The following PAPPA2 variants were observed in gnomAD, a reference collection of about 807,000 sequenced individuals.
PAPPA2 encodes pappalysin-2.
In PAPPA2, 86 loss-of-function variants were observed where a neutral mutation model predicts 176.4. The ratio of observed to expected loss-of-function variants is 0.49; its 90% confidence interval spans 0.41 to 0.58. PAPPA2 has a LOEUF of 0.58. Ranked by LOEUF, PAPPA2 falls within the 20% of genes least tolerant of loss-of-function variation. The pLI, the probability that PAPPA2 is intolerant of heterozygous loss-of-function variation, is 0.00. For missense variants in PAPPA2, 2,073 were observed against 2,256.9 expected (o/e 0.92, Z 1.65); for synonymous variants, 809 against 852.2 (o/e 0.95, Z 0.88).
chr1:176,686,409 G>T (rs1003581053), intron 4 of PAPPA2, among the ~76,000 whole-genome samples: 12 of 152,094 alleles, frequency 7.9e-5, no homozygotes, highest in Non-Finnish European at 1.6e-4. Context: ...AAGGGAAACT[G>T]CCCCCATGAT....
At chr1:176,593,373 G>A (rs1195088297) in intron 2 of PAPPA2, among the ~76,000 whole-genome samples, 3 of 152,134 alleles carry the variant, frequency 2.0e-5, no homozygotes, top group Admixed American at 6.5e-5. Flanking sequence ...GTTTACCCAG[G>A]TATCTGATCC....
intron 21 of PAPPA2, among the ~76,000 whole-genome samples, chr1:176,832,050 G>T (rs570199173): frequency 6.6e-6 from 1 of 152,256 alleles, no homozygotes; most frequent in East Asian, 1.9e-4. Flanking sequence ...GAATCTTGAA[G>T]TTTTCTGACC....
chr1:176,804,700 C>G (rs1188999952), intron 21 of PAPPA2, among the ~76,000 whole-genome samples: 3 of 152,174 alleles, frequency 2.0e-5, no homozygotes, highest in Non-Finnish European at 4.4e-5. Flanking sequence ...GATGCTGTAA[C>G]TACTTACAAG....
chr1:176,744,944 T>G (rs1355951828), intron 14 of PAPPA2, among the ~76,000 whole-genome samples: 3 of 152,208 alleles, frequency 2.0e-5, no homozygotes, highest in African/African-American at 4.8e-5. Context: ...CTTATAGTAT[T>G]CTTGTGAGAT....
chr1:176,771,800 G>A lies in PAPPA2; in HGVS notation c.4715+620G>A, dbSNP rs1361648921. Among the ~76,000 whole-genome samples, 3 of 152,096 alleles carry A rather than the reference G, an allele frequency of 2.0e-5. 1 individual carries two copies. The highest frequency in any genetic ancestry group is 2.0e-4 in the Admixed American group (3 of 15,270). On this transcript the variant is annotated intron_variant, in intron 17 of 22. Coordinates refer to ENST00000367662, the MANE Select transcript of PAPPA2 (RefSeq NM_020318.3). ...TGGCAAGAAACACTTTTCCTCCAAT[G>A]TCGTGGGGGATCCGAAAGAACAAAA... is the stretch of plus-strand genomic sequence containing the variant.
intron 1 of PAPPA2, among the ~76,000 whole-genome samples, chr1:176,484,599 G>A (rs537039953): frequency 9.9e-5 from 15 of 152,188 alleles, no homozygotes; most frequent in African/African-American, 3.4e-4. Flanking sequence ...CATCAAGCTC[G>A]GGGATTCTTT....
chr1:176,542,894 C>G (rs1192545116), intron 1 of PAPPA2, among the ~76,000 whole-genome samples: 1 of 152,184 alleles, frequency 6.6e-6, no homozygotes, highest in Non-Finnish European at 1.5e-5. Flanking sequence ...TGTTTAATAA[C>G]AGACCAGCAA....
intron 1 of PAPPA2, among the ~76,000 whole-genome samples, chr1:176,483,093 A>G (rs1023560544): frequency 6.6e-6 from 1 of 152,300 alleles, no homozygotes; most frequent in East Asian, 1.9e-4. Flanking sequence ...CATGATCATC[A>G]GTGCCATTGG....
At chr1:176,794,040 A>G (rs1665308459) in intron 20 of PAPPA2, among the ~76,000 whole-genome samples, 2 of 152,032 alleles carry the variant, frequency 1.3e-5, no homozygotes, top group South Asian at 4.2e-4. Context: ...ACAGAGCGAG[A>G]CTCCATCTCA....
intron 3 of PAPPA2, among the ~76,000 whole-genome samples, chr1:176,642,817 A>G (rs1028171488): frequency 2.6e-5 from 4 of 151,960 alleles, no homozygotes; most frequent in East Asian, 1.9e-4. Context: ...TAACTCTGCA[A>G]TCTTCTCCAT....
intron 21 of PAPPA2, among the ~76,000 whole-genome samples, chr1:176,813,262 G>T (rs1666245848): frequency 6.6e-6 from 1 of 152,052 alleles, no homozygotes; most frequent in Admixed American, 6.6e-5. Flanking sequence ...ACACTTTCAT[G>T]TATCTTTCTA....
At chr1:176,592,794 T>C (rs1462697053) in intron 2 of PAPPA2, among the ~76,000 whole-genome samples, 2 of 152,200 alleles carry the variant, frequency 1.3e-5, no homozygotes, top group Non-Finnish European at 2.9e-5. Context: ...ATATTCAATA[T>C]TGCAGCCCAT....
chr1:176,754,870 C>A (rs745615770), intron 14 of PAPPA2, among the ~76,000 whole-genome samples: 1 of 152,152 alleles, frequency 6.6e-6, no homozygotes, highest in Non-Finnish European at 1.5e-5. Flanking sequence ...ACTCTCAGGC[C>A]GTGTCTGGTT....
chr1:176,676,623 T>A (rs1659312762), intron 4 of PAPPA2, among the ~76,000 whole-genome samples: 1 of 152,056 alleles, frequency 6.6e-6, no homozygotes, highest in Admixed American at 6.6e-5. Flanking sequence ...GATGTATGTG[T>A]GACATAAAGG....
chr1:176,621,040 G>C (rs1463557514), intron 3 of PAPPA2, among the ~76,000 whole-genome samples: 1 of 152,094 alleles, frequency 6.6e-6, no homozygotes, highest in Non-Finnish European at 1.5e-5. Flanking sequence ...GCAAAAGAAT[G>C]GCTCCTAAGT....
At chr1:176,530,251 C>T (rs1168398586) in intron 1 of PAPPA2, among the ~76,000 whole-genome samples, 1 of 152,168 alleles carries the variant, frequency 6.6e-6, no homozygotes, top group Non-Finnish European at 1.5e-5. Context: ...AGGTTAAAAC[C>T]TCACATTTTC....
intron 14 of PAPPA2, among the ~76,000 whole-genome samples, chr1:176,749,085 C>CATTGGTGGTCATACACATACAG (rs1379039760): frequency 5.5e-4 from 2 of 3,650 alleles, no homozygotes; most frequent in Non-Finnish European, 1.3e-3. Context: ...TACACATACA[C>CATTGGTGGTCATACACATACAG]CAATGTGGTC....
At chr1:176,659,451 A>G (rs190814985) in intron 3 of PAPPA2, among the ~76,000 whole-genome samples, 32 of 152,182 alleles carry the variant, frequency 2.1e-4, no homozygotes, top group African/African-American at 7.5e-4. Context: ...GGACATAGTC[A>G]TATTAGATTA....
Position 176,742,681 on chromosome 1 carries a change from C to T in PAPPA2, c.4151+2485C>T, listed in dbSNP as rs1375276639. ...CTTTAATTGTGAATATAACTGAAAC[C>T]TAAATCCCTATGTATTCTCAAAGAG... On this transcript the variant is annotated intron_variant, in intron 14 of 22. Transcript: ENST00000367662. Among the ~76,000 whole-genome samples, 6 of 152,232 alleles carry T rather than the reference C, an allele frequency of 3.9e-5. No individual in the cohort carries two copies. In the East Asian group the frequency reaches 1.2e-3, roughly 29 times the overall value.
Sources: gnomAD v4.1 joint callset for allele counts (sites outside exome capture counted in the v4.1 genomes callset) on GRCh38, gnomAD v4.1.1 for gene constraint, MANE v1.5 for transcripts, NCBI Gene and HGNC (gene_info 2026-07-23, HGNC 2026-07-21) for gene names.